The following RHOBTB1 variants were observed in gnomAD, a reference collection of about 807,000 sequenced individuals.
RHOBTB1 encodes the protein rho-related BTB domain-containing protein 1.
In RHOBTB1, 40 loss-of-function variants were observed where a neutral mutation model predicts 71.6. That is an observed-to-expected ratio of 0.56 (90% confidence interval 0.43 to 0.73). The LOEUF (loss-of-function observed/expected upper bound fraction) is 0.73, where lower values mean the gene tolerates loss of function less well. RHOBTB1 is among the 30% of genes least tolerant of loss of function. The pLI is 0.00. For synonymous variants in RHOBTB1, 319 were observed against 334.9 expected, an observed-to-expected ratio of 0.95 and a Z score of 0.52; for missense variants, 797 against 894.0, an observed-to-expected ratio of 0.89 and a Z score of 1.38.
intron 4 of RHOBTB1, among the ~76,000 whole-genome samples, chr10:60,897,157 G>C (rs2082199708): frequency 6.6e-6 from 1 of 152,108 alleles, no homozygotes. Context: ...GCCCTAGCTA[G>C]ACTTTGAACA....
At chr10:60,920,968 T>A (rs1246656561) in intron 2 of RHOBTB1, among the ~76,000 whole-genome samples, 3 of 135,926 alleles carry the variant, frequency 2.2e-5, no homozygotes, top group Non-Finnish European at 4.8e-5. Context: ...TTTTTTTTTT[T>A]ATGAGACAGT....
At chr10:61,001,902 T>C (rs1303815422), upstream of RHOBTB1, among the ~76,000 whole-genome samples, 2 of 152,184 alleles carry the variant, frequency 1.3e-5, no homozygotes, top group African/African-American at 4.8e-5. Context: ...CTCCTGCAAA[T>C]GGACGCCAAG....
At chr10:60,959,191 TTATC>T (rs1444273315) in intron 2 of RHOBTB1, among the ~76,000 whole-genome samples, 3 of 152,116 alleles carry the variant, frequency 2.0e-5, no homozygotes, top group African/African-American at 7.2e-5. Context: ...AAACAAACTC[TTATC>T]TGAGTGTTTA....
chr10:60,998,793 G>A (rs2087150324), intron 1 of RHOBTB1, among the ~76,000 whole-genome samples: 1 of 152,220 alleles, frequency 6.6e-6, no homozygotes, highest in African/African-American at 2.4e-5. Flanking sequence ...GGACTTCTCT[G>A]AGGTCAAATG....
chr10:60,987,521 T>C (rs541222234), intron 1 of RHOBTB1, among the ~76,000 whole-genome samples: 1 of 152,276 alleles, frequency 6.6e-6, no homozygotes, highest in Admixed American at 6.5e-5. Flanking sequence ...CTATTTCCCA[T>C]TGACATATCC....
In RHOBTB1 at chr10:60,918,998, G is replaced by A. The variant is rs558002038; in HGVS notation, c.-10-7446C>T. Reference sequence around the variant, plus strand: ...TGACCTCAGGTGATTCACCCACCTCGGCCTCCCAAAGTGCTGCGATTACAG... The same window carrying A: ...TGACCTCAGGTGATTCACCCACCTCAGCCTCCCAAAGTGCTGCGATTACAG... On this transcript the variant is annotated intron_variant, in intron 2 of 10. Transcript: ENST00000337910. Among the ~76,000 whole-genome samples the A allele has an allele frequency of 1.2e-3, 189 of 152,058 alleles. 2 individuals are homozygous for A. In the South Asian group the frequency reaches 0.015, roughly 12 times the overall value.
At chr10:60,882,881 C>G (rs2081390382) in intron 7 of RHOBTB1, among the ~76,000 whole-genome samples, 4 of 152,342 alleles carry the variant, frequency 2.6e-5, no homozygotes, top group Admixed American at 2.0e-4. Context: ...AACAAGAAAA[C>G]TCTAGCATAA....
intron 7 of RHOBTB1, among the ~76,000 whole-genome samples, chr10:60,882,641 C>A (rs1393651370): frequency 6.6e-6 from 1 of 151,982 alleles, no homozygotes. Context: ...TGGCTGGCAT[C>A]AGATTTTCAG....
At chr10:60,993,298 A>T (rs1279967500) in intron 1 of RHOBTB1, among the ~76,000 whole-genome samples, 3 of 152,256 alleles carry the variant, frequency 2.0e-5, no homozygotes, top group Non-Finnish European at 4.4e-5. Context: ...TAGTCATTTT[A>T]AAGCATTTTT....
chr10:60,881,626 T>C (rs919349904), intron 7 of RHOBTB1, among the ~76,000 whole-genome samples: 1 of 152,190 alleles, frequency 6.6e-6, no homozygotes. Flanking sequence ...ATCCGTTACA[T>C]GGGAGGAATT....
chr10:60,894,660 C>T (rs550798556), intron 4 of RHOBTB1, among the ~76,000 whole-genome samples: 108 of 152,260 alleles, frequency 7.1e-4, no homozygotes, highest in South Asian at 1.9e-3. Flanking sequence ...CTATAAGCTT[C>T]ATCCTGAACA....
intron 2 of RHOBTB1, among the ~76,000 whole-genome samples, chr10:60,931,182 A>C (rs967971851): frequency 1.3e-5 from 2 of 152,168 alleles, no homozygotes; most frequent in Non-Finnish European, 2.9e-5. Flanking sequence ...AAAATGTGAG[A>C]TAAAATCCAC....
chr10:60,886,004 G>A, intron 7 of RHOBTB1, 108 bp downstream of exon 7: 2 of 777,270 alleles, frequency 2.6e-6, no homozygotes, highest in Non-Finnish European at 4.5e-6. Flanking sequence ...ACCACTCATG[G>A]AGCCAGTTTA....
chr10:61,001,963 C>T (rs58964987), upstream of RHOBTB1, among the ~76,000 whole-genome samples: 12,249 of 152,260 alleles, frequency 0.08, 863 homozygotes, highest in African/African-American at 0.19. Flanking sequence ...CTTATAGGGA[C>T]GTTCTCTAGC....
At chr10:60,981,832 C>T (rs753948145) in intron 2 of RHOBTB1, among the ~76,000 whole-genome samples, 8 of 151,928 alleles carry the variant, frequency 5.3e-5, no homozygotes, top group African/African-American at 1.2e-4. Flanking sequence ...TGCAATGGTG[C>T]GACCTCGGCT....
At chr10:60,862,332 A>G in the RHOBTB1 span, among the ~76,000 whole-genome samples, 1 of 151,840 alleles carries the variant, frequency 6.6e-6, no homozygotes, top group Non-Finnish European at 1.5e-5. Flanking sequence ...CTAGTAGCTG[A>G]GACTACAGGT....
intron 4 of RHOBTB1, among the ~76,000 whole-genome samples, chr10:60,895,077 T>G (rs552844719): frequency 6.6e-6 from 1 of 152,192 alleles, no homozygotes; most frequent in East Asian, 1.9e-4. Flanking sequence ...CTTGTGATGA[T>G]AGTAGCACAA....
intron 2 of RHOBTB1, among the ~76,000 whole-genome samples, chr10:60,925,030 A>G (rs2083787573): frequency 6.6e-6 from 1 of 151,976 alleles, no homozygotes; most frequent in Non-Finnish European, 1.5e-5. Flanking sequence ...TGATAAGTGA[A>G]CTCTTGCTCT....
rs545728550 is a variant in RHOBTB1 at position 60,956,597 on chromosome 10, A to T, written c.-61-14743T>A. ...AGCTGTACAAAAATATCTTCTTTAT[A>T]TCCTTATTGTATAAGTTTTATTATT... On this transcript the variant is annotated intron_variant, in intron 2 of 11. Coordinates refer to the RHOBTB1 transcript ENST00000357917. Among the ~76,000 whole-genome samples, 11 of 152,184 alleles carry T rather than the reference A, an allele frequency of 7.2e-5. No individual in the cohort carries two copies. The South Asian group carries it at 2.3e-3, about 32-fold the overall frequency.
Sources: allele counts gnomAD v4.1 joint callset (sites outside exome capture counted in the v4.1 genomes callset), GRCh38; gene constraint gnomAD v4.1.1; transcripts MANE v1.5; gene names NCBI Gene and HGNC (gene_info 2026-07-23, HGNC 2026-07-21).